Variants in PLCB4 observed in about 807,000 individuals in gnomAD.
The protein encoded by PLCB4 is phospholipase C beta 4, also known as 1-phosphatidylinositol 4,5-bisphosphate phosphodiesterase beta-4.
Under a neutral mutation model 178.8 loss-of-function variants are expected in PLCB4, and 77 were observed. That is an observed-to-expected ratio of 0.43 (90% CI 0.36 to 0.52). The LOEUF is 0.52. Ranked by LOEUF, PLCB4 falls within the 20% of genes least tolerant of loss-of-function variation. The probability of loss-of-function intolerance (pLI) is 0.00; values close to 1 mark genes in which losing one functional copy is unlikely to be tolerated. For missense variants in PLCB4, 1,024 were observed against 1,453.4 expected (o/e 0.70, Z 4.80); for synonymous variants, 496 against 490.8 (o/e 1.01, Z -0.14).
intron 1 of PLCB4, among the ~76,000 whole-genome samples, chr20:9,095,261 C>T (rs1280403937): frequency 2.6e-5 from 4 of 152,200 alleles, no homozygotes; most frequent in African/African-American, 9.6e-5. Context: ...GAGGATTTCT[C>T]ATTTGGGGAG....
chr20:9,249,418 C>T (rs1274373101), intron 3 of PLCB4, among the ~76,000 whole-genome samples: 1 of 152,052 alleles, frequency 6.6e-6, no homozygotes, highest in Non-Finnish European at 1.5e-5. Flanking sequence ...AGGGATCTTC[C>T]CACCTCAGCC....
chr20:9,426,985 G>T (rs976735690), intron 28 of PLCB4, among the ~76,000 whole-genome samples: 2 of 152,070 alleles, frequency 1.3e-5, no homozygotes, highest in African/African-American at 4.8e-5. Flanking sequence ...AGCACTTTGG[G>T]AGGCCGAGGC....
chr20:9,278,004 A>G (rs2094464407), intron 3 of PLCB4, among the ~76,000 whole-genome samples: 1 of 152,166 alleles, frequency 6.6e-6, no homozygotes, highest in Non-Finnish European at 1.5e-5. Context: ...AGGTAACTTT[A>G]TGCTATTTGT....
chr20:9,394,399 G>C (rs764170437), intron 18 of PLCB4, among the ~76,000 whole-genome samples: 1 of 151,984 alleles, frequency 6.6e-6, no homozygotes, highest in Non-Finnish European at 1.5e-5. Context: ...ATATACTATA[G>C]ACACATGTAC....
intron 1 of PLCB4, among the ~76,000 whole-genome samples, chr20:9,085,165 T>G (rs2090349050): frequency 6.6e-6 from 1 of 152,176 alleles, no homozygotes; most frequent in African/African-American, 2.4e-5. Flanking sequence ...ATACATTTGA[T>G]TAAGTGTGAT....
intron 30 of PLCB4, among the ~76,000 whole-genome samples, chr20:9,441,715 C>T (rs140515364): frequency 2.0e-5 from 3 of 152,164 alleles, no homozygotes; most frequent in East Asian, 1.9e-4. Flanking sequence ...TGAGGGTTCC[C>T]GTGGAAGGGA....
chr20:9,265,161 T>C (rs1280336051), intron 3 of PLCB4, among the ~76,000 whole-genome samples: 1 of 152,060 alleles, frequency 6.6e-6, no homozygotes, highest in East Asian at 1.9e-4. Context: ...GGACCATCAG[T>C]GAGTGATTGA....
intron 1 of PLCB4, among the ~76,000 whole-genome samples, chr20:9,080,877 T>G (rs1034884193): frequency 2.0e-5 from 3 of 152,208 alleles, no homozygotes; most frequent in Admixed American, 6.5e-5. Context: ...TCCAAACTTG[T>G]GTCTCCTTCC....
chr20:9,255,262 C>G (rs930350698), intron 3 of PLCB4, among the ~76,000 whole-genome samples: 3 of 152,174 alleles, frequency 2.0e-5, no homozygotes, highest in African/African-American at 7.2e-5. Flanking sequence ...TACCCAAAGT[C>G]ATAAGAATTG....
At chr20:9,199,992 G>A (rs889658116) in intron 2 of PLCB4, among the ~76,000 whole-genome samples, 1 of 144,156 alleles carries the variant, frequency 6.9e-6, no homozygotes, top group Non-Finnish European at 1.5e-5. Context: ...AAGTCATCAA[G>A]GGCAGGAGAG....
intron 3 of PLCB4, among the ~76,000 whole-genome samples, chr20:9,232,518 C>A (rs957525412): frequency 1.3e-5 from 2 of 152,066 alleles, no homozygotes; most frequent in Admixed American, 1.3e-4. Context: ...ATATTATATA[C>A]CTGGCTCCTG....
intron 3 of PLCB4, among the ~76,000 whole-genome samples, chr20:9,269,053 G>T (rs2094377403): frequency 6.6e-6 from 1 of 151,992 alleles, no homozygotes; most frequent in Admixed American, 6.6e-5. Flanking sequence ...AGGTCACATG[G>T]GATCAAAAAA....
At chr20:9,103,026 CTT>C (rs11484220) in intron 2 of PLCB4, among the ~76,000 whole-genome samples, 6 of 139,198 alleles carry the variant, frequency 4.3e-5, no homozygotes, top group East Asian at 2.1e-4. Flanking sequence ...TGCCATTGTA[CTT>C]TTTTTTTTTT....
chr20:9,387,914 A>G (rs576813764), intron 15 of PLCB4, among the ~76,000 whole-genome samples: 3 of 152,378 alleles, frequency 2.0e-5, no homozygotes, highest in Non-Finnish European at 2.9e-5. Context: ...AATAGAATAC[A>G]GGAATAAAAT....
intron 1 of PLCB4, among the ~76,000 whole-genome samples, chr20:9,075,476 G>A (rs374159545): frequency 6.6e-6 from 1 of 152,198 alleles, no homozygotes; most frequent in African/African-American, 2.4e-5. Flanking sequence ...ATGCTAATTC[G>A]TGGTAGCCTA....
At chr20:9,075,751 C>T (rs770579257) in intron 1 of PLCB4, among the ~76,000 whole-genome samples, 5 of 152,212 alleles carry the variant, frequency 3.3e-5, no homozygotes, top group Admixed American at 6.5e-5. Context: ...ATTACCAGTG[C>T]CTCCACATTT....
intron 32 of PLCB4, among the ~76,000 whole-genome samples, 174 bp downstream of exon 32, chr20:9,444,417 T>C (rs2042285115): frequency 6.6e-6 from 1 of 152,230 alleles, no homozygotes; most frequent in Admixed American, 6.5e-5. Flanking sequence ...TTGTTTGTAG[T>C]CTGCATTTCT....
Position 9,410,592 on chromosome 20 carries a change from G to C in PLCB4, c.2000-445G>C, listed in dbSNP as rs1243857848. On this transcript the variant is annotated intron_variant, in intron 24 of 39. Coordinates refer to ENST00000378473, the MANE Select transcript of PLCB4 (RefSeq NM_001377142.1). Reference sequence around the variant, plus strand: ...GTAATTCCCCCTGCCTCCCATCCTGGAAGCATGCCACCAAGTTTTATGCGA... The same window carrying C: ...GTAATTCCCCCTGCCTCCCATCCTGCAAGCATGCCACCAAGTTTTATGCGA... 2.0e-5 allele frequency among the ~76,000 whole-genome samples: 3 copies of C among 152,098 alleles called. No homozygotes were observed. The East Asian group carries it at 5.8e-4, about 29-fold the overall frequency.
intron 3 of PLCB4, among the ~76,000 whole-genome samples, chr20:9,242,503 A>G (rs962003246): frequency 6.6e-6 from 1 of 152,190 alleles, no homozygotes; most frequent in African/African-American, 2.4e-5. Flanking sequence ...GGACCATTTC[A>G]TCTGGGGGAA....
Sources: allele counts gnomAD v4.1 joint callset (sites outside exome capture counted in the v4.1 genomes callset), GRCh38; gene constraint gnomAD v4.1.1; transcripts MANE v1.5; gene names NCBI Gene and HGNC (gene_info 2026-07-23, HGNC 2026-07-21).